Variants in PRDM11 observed in about 807,000 individuals in gnomAD.
The protein encoded by PRDM11 is PR domain-containing protein 11.
In PRDM11, 20 loss-of-function variants were observed where a neutral mutation model predicts 97.8. The observed-to-expected ratio is 0.20, with a 90% CI of 0.14 to 0.30. The LOEUF (loss-of-function observed/expected upper bound fraction) is 0.30. Among genes scored for constraint, PRDM11 ranks in the 10% least tolerant of loss-of-function variants. PRDM11 has a pLI of 1.00. For synonymous variants in PRDM11, 599 were observed against 637.7 expected (o/e 0.94, Z 0.91); for missense variants, 1,139 against 1,555.2 (o/e 0.73, Z 4.50).
In PRDM11 at chr11:45,226,639, G is replaced by A. The variant is rs550354992; in HGVS notation, c.2014G>A (p.Asp672Asn). Reference protein sequence around the residue: ...LDGQSDDLLADTVAVYVQYTS... With the variant: ...LDGQSDDLLANTVAVYVQYTS... The stretch of plus-strand genomic sequence containing the variant: ...TGGGCAGAGCGACGACCTGCTGGCC[G>A]ACACGGTGGCTGTCTATGTTCAGTA... Residue 672 changes from aspartate (D) to asparagine (N), a missense_variant, in exon 8 of 8, where the codon GAC (aspartate) becomes AAC (asparagine). By Grantham distance (23) the Asp-to-Asn change is conservative. This residue lies in a region of PRDM11 where 710 missense variants were observed against 1,044.9 expected (regional missense o/e 0.68). Coordinates refer to ENST00000683152, the MANE Select transcript of PRDM11 (RefSeq NM_001384648.1). 33 of 1,533,832 alleles carry A rather than the reference G, an allele frequency of 2.2e-5. No individual in the cohort carries two copies. The highest frequency in any genetic ancestry group is 2.3e-4 in the Middle Eastern group (1 of 4,380).
rs1173245368 is a variant in PRDM11, at chr11:45,227,758, A to C, written c.3133A>C (p.Lys1045Gln). 6.5e-7 allele frequency: 1 copy of C among 1,533,836 alleles called. No homozygotes were observed. The highest frequency in any genetic ancestry group is 8.7e-7 in the Non-Finnish European group (1 of 1,146,732). ...TCTGTTGATGGAGTGGCGAGAACTC[A>C]AGGCTGATTACTACACCAAAAATGG... ...GSLLMEWREL[K>Q]ADYYTKNGFK... The change falls in exon 8 of 8, where the codon AAG becomes CAG. Residue 1045 changes from lysine to glutamine, a missense_variant. Physicochemically the swap from Lys to Gln is moderately conservative, Grantham distance 53. Transcript: ENST00000683152. The surrounding 1 kb of genome is among the most constrained non-coding windows in gnomAD (Gnocchi z 8.0).
rs1854289674 is a variant in PRDM11, at chr11:45,226,924, C to G, written c.2299C>G (p.Leu767Val). ...CLPFMVHRPH[L>V]EILDAISGKE... ...GCCCTTCATGGTGCACCGGCCCCAC[C>G]TGGAGATCCTGGATGCCATCAGCGG... Residue 767 changes from leucine to valine, a missense_variant, in exon 8 of 8, where the codon CTG becomes GTG. Leu to Val is a conservative substitution (Grantham distance 32). This residue lies in a region of PRDM11 where 710 missense variants were observed against 1,044.9 expected (regional missense o/e 0.68). Coordinates refer to ENST00000683152, the MANE Select transcript of PRDM11 (RefSeq NM_001384648.1). The G allele has an allele frequency of 6.5e-7, 1 of 1,533,882 alleles. No individual in the cohort carries two copies. The highest frequency in any genetic ancestry group is 1.4e-5 in the African/African-American group (1 of 72,972).
chr11:45,187,117 G>C (rs1327527066), intron 4 of PRDM11, among the ~76,000 whole-genome samples: 1 of 152,172 alleles, frequency 6.6e-6, no homozygotes, highest in Non-Finnish European at 1.5e-5. Flanking sequence ...TGAGGAGCAG[G>C]GGCCATGGTG....
chr11:45,223,336 A>T (rs960971591), intron 6 of PRDM11, among the ~76,000 whole-genome samples: 5 of 152,236 alleles, frequency 3.3e-5, no homozygotes, highest in Non-Finnish European at 7.3e-5. Flanking sequence ...GAATCAGTCT[A>T]AAATAATTTA....
rs1212384486 is a variant in PRDM11, at chr11:45,146,748, CCAGCGCGCCCG to C, written c.-128_-118del. 22 of 148,806 alleles carry C rather than the reference CCAGCGCGCCCG, an allele frequency of 1.5e-4. No individual in the cohort carries two copies. Among genetic ancestry groups the C allele is most frequent in the African/African-American group, 4.6e-4 (19 of 41,142 alleles). 9.2% of individuals were successfully genotyped at this position (148,806 alleles called of 1,614,324 possible). On this transcript the variant is annotated 5_prime_UTR_variant, in exon 1 of 8. Coordinates refer to ENST00000683152, the MANE Select transcript of PRDM11 (RefSeq NM_001384648.1). ...CGCTGAAACTTTGCCTCGCCGGGGA[CCAGCGCGCCCG>C]CAGCGCGGCCGCTCCCTCCGCGGGG...
chr11:45,134,570 G>A (rs534907169), intron 1 of PRDM11, among the ~76,000 whole-genome samples: 47 of 151,234 alleles, frequency 3.1e-4, no homozygotes, highest in East Asian at 2.9e-3. Context: ...GTCGTGGCAC[G>A]TGCCTGTAGT....
intron 1 of PRDM11, among the ~76,000 whole-genome samples, chr11:45,099,539 C>T (rs541796453): frequency 6.7e-6 from 1 of 149,822 alleles, no homozygotes; most frequent in African/African-American, 2.5e-5. Flanking sequence ...GAAGCACCTG[C>T]CTTACACTGC....
At chr11:45,158,987 GC>G (rs927525645) in intron 1 of PRDM11, among the ~76,000 whole-genome samples, 8 of 152,050 alleles carry the variant, frequency 5.3e-5, no homozygotes, top group African/African-American at 1.2e-4. Flanking sequence ...CTCTCCTTGA[GC>G]CCCCCCTTCC....
At chr11:45,182,476 GC>G in intron 3 of PRDM11, 127 bp downstream of exon 3, 1 of 856,100 alleles carries the variant, frequency 1.2e-6, no homozygotes, top group Non-Finnish European at 1.8e-6. Context: ...CCAGGTCCAG[GC>G]CTTGGTTCGT....
In PRDM11 at chr11:45,214,945, A is replaced by G. The variant is rs915141504; in HGVS notation, c.555-4625A>G. On this transcript the variant is annotated intron_variant, in intron 5 of 7. Transcript: ENST00000683152. The stretch of plus-strand genomic sequence containing the variant: ...CATGCCAGGCCCTCGGAGGAAAGGA[A>G]GGGCATGCATGCACGAAACCACTCA... Among the ~76,000 whole-genome samples, 8 of 152,252 alleles carry G rather than the reference A, an allele frequency of 5.3e-5. 1 individual carries two copies. Among genetic ancestry groups the G allele is most frequent in the African/African-American group, 1.9e-4 (8 of 41,470 alleles).
At chr11:45,183,926 G>A (rs1341863169) in intron 4 of PRDM11, among the ~76,000 whole-genome samples, 2 of 152,238 alleles carry the variant, frequency 1.3e-5, no homozygotes, top group Non-Finnish European at 2.9e-5. Flanking sequence ...CCTTCATGGA[G>A]TTCTCTGTGG....
rs186010369 is a variant in PRDM11 at position 45,127,032 on chromosome 11, G to A, written c.96+31131G>A. Among the ~76,000 whole-genome samples, 129 of 152,162 alleles carry A rather than the reference G, an allele frequency of 8.5e-4. 1 individual carries two copies. The highest frequency in any genetic ancestry group is 6.4e-3 in the East Asian group (33 of 5,168). On this transcript the variant is annotated intron_variant, in intron 1 of 6. Transcript: ENST00000530656. ...CCCATATTTCTTGGAGACTTTGTTC[G>A]TTTCTTTTTATTCTTTTTTCTCTAA...
intron 5 of PRDM11, chr11:45,213,196 T>C: frequency 2.2e-6 from 1 of 456,628 alleles, no homozygotes; most frequent in Non-Finnish European, 4.4e-6. Context: ...GTCGCTGCCC[T>C]GTGGTCTAAC....
chr11:45,153,743 C>T (rs1261944027), intron 1 of PRDM11, among the ~76,000 whole-genome samples: 1 of 152,240 alleles, frequency 6.6e-6, no homozygotes, highest in Non-Finnish European at 1.5e-5. Flanking sequence ...CAGTCCTGCC[C>T]TACATTCTGT....
chr11:45,111,003 TG>T (rs1852166680), intron 1 of PRDM11, among the ~76,000 whole-genome samples: 1 of 152,002 alleles, frequency 6.6e-6, no homozygotes, highest in East Asian at 1.9e-4. Context: ...CGACGTCCAA[TG>T]GTTCCCCGAG....
rs1432573298 is a variant in PRDM11 at position 45,227,880 on chromosome 11, C to T, written c.3255C>T (p.Thr1085=). Residue 1085 remains threonine, a synonymous_variant, in exon 8 of 8, where the codon ACC becomes ACT. Coordinates refer to ENST00000683152, the MANE Select transcript of PRDM11 (RefSeq NM_001384648.1). The surrounding 1 kb of genome is among the most constrained non-coding windows in gnomAD (Gnocchi z 8.0). Reference sequence around the variant, plus strand: ...TTCTTAAAGTCCTCCCCACTTCCACCGCTTGCTGCGAGAAAGGCCGCAATG... The same window carrying T: ...TTCTTAAAGTCCTCCCCACTTCCACTGCTTGCTGCGAGAAAGGCCGCAATG... ...IQVLKVLPTS[T]ACCEKGRNAL... 3.9e-6 allele frequency: 6 copies of T among 1,533,820 alleles called. No homozygotes were observed. Among genetic ancestry groups the T allele is most frequent in the Non-Finnish European group, 4.4e-6 (5 of 1,146,740 alleles).
At chr11:45,207,842 G>A (rs1041927646) in intron 5 of PRDM11, among the ~76,000 whole-genome samples, 6 of 152,212 alleles carry the variant, frequency 3.9e-5, no homozygotes, top group East Asian at 1.9e-4. Context: ...TGTTGGTGCC[G>A]CCGGCCTTCC....
Position 45,224,542 on chromosome 11 carries a change from A to T in PRDM11, c.1068A>T (p.Ile356=). Residue 356 remains isoleucine, a synonymous_variant, in exon 7 of 8, where the codon ATA becomes ATT. Coordinates refer to ENST00000683152, the MANE Select transcript of PRDM11 (RefSeq NM_001384648.1). Reference sequence around the variant, plus strand: ...CAATGACCCATGGTGTGCAGAATATAGGCCAGACCCAGGGGGAGGGGGACT... The same window carrying T: ...CAATGACCCATGGTGTGCAGAATATTGGCCAGACCCAGGGGGAGGGGGACT... ...ATTMTHGVQN[I]GQTQGEGDWK... 1 of 1,614,110 alleles carries T rather than the reference A, an allele frequency of 6.2e-7. No individual in the cohort carries two copies. Among genetic ancestry groups the T allele is most frequent in the Non-Finnish European group, 8.5e-7 (1 of 1,180,016 alleles).
intron 5 of PRDM11, chr11:45,213,815 G>A (rs561303318): frequency 5.6e-4 from 245 of 435,376 alleles, no homozygotes; most frequent in Non-Finnish European, 1.0e-3. Flanking sequence ...GGCCAGGACT[G>A]GAAGCCAGGG....
Sources: allele counts gnomAD v4.1 joint callset (sites outside exome capture counted in the v4.1 genomes callset), GRCh38; gene constraint gnomAD v4.1.1; regional missense constraint gnomAD v4.1.1; non-coding constraint Gnocchi (gnomAD v3.1); transcripts MANE v1.5; gene names NCBI Gene and HGNC (gene_info 2026-07-23, HGNC 2026-07-21).